The following NUDCD3 variants were observed in gnomAD, a reference collection of about 807,000 sequenced individuals.
NUDCD3 encodes the protein nudC domain-containing protein 3.
A neutral mutation model predicts 39.7 loss-of-function variants in NUDCD3; 13 were observed. The ratio of observed to expected loss-of-function variants is 0.33; its 90% CI spans 0.21 to 0.52. The LOEUF (loss-of-function observed/expected upper bound fraction) is 0.52, where lower values mean the gene tolerates loss of function less well. NUDCD3 is among the 20% of genes least tolerant of loss of function. The probability of loss-of-function intolerance (pLI) is 0.96; values close to 1 mark genes in which losing one functional copy is unlikely to be tolerated. For missense variants in NUDCD3, 453 were observed against 458.1 expected, an observed-to-expected ratio of 0.99 and a Z score of 0.10; for synonymous variants, 175 against 172.4, an observed-to-expected ratio of 1.02 and a Z score of -0.12.
At chr7:44,436,556 G>A (rs939405427) in intron 2 of NUDCD3, among the ~76,000 whole-genome samples, 38 of 152,194 alleles carry the variant, frequency 2.5e-4, no homozygotes, top group African/African-American at 8.7e-4. Context: ...AGTGGGTCAT[G>A]CTACAGAACT....
intron 4 of NUDCD3, among the ~76,000 whole-genome samples, chr7:44,396,487 A>C (rs1798626982): frequency 1.3e-5 from 2 of 152,208 alleles, no homozygotes; most frequent in Non-Finnish European, 2.9e-5. Context: ...TAACATCGTT[A>C]TTGACTTGCC....
At chr7:44,472,679 G>T (rs1357695320) in intron 2 of NUDCD3, among the ~76,000 whole-genome samples, 1 of 152,204 alleles carries the variant, frequency 6.6e-6, no homozygotes, top group Non-Finnish European at 1.5e-5. Context: ...AAATGGTTTA[G>T]TATTTGTAGA....
At position 44,390,664 on chromosome 7, in the gene NUDCD3, A is replaced by G. The variant is rs1798497056; in HGVS notation, c.975+1633T>C. ...TCTTTCTCCCGAAGGTCAACTCATG[A>G]ATACATCTCAGTCCTTTTGTGGACC... On this transcript the variant is annotated intron_variant, in intron 5 of 5. Coordinates refer to ENST00000355451, the MANE Select transcript of NUDCD3 (RefSeq NM_015332.4). 2.0e-5 allele frequency among the ~76,000 whole-genome samples: 3 copies of G among 152,308 alleles called. No homozygotes were observed. The South Asian group carries it at 6.2e-4, about 32-fold the overall frequency.
chr7:44,486,740 C>G (rs1025199640), intron 1 of NUDCD3, among the ~76,000 whole-genome samples: 3 of 152,168 alleles, frequency 2.0e-5, no homozygotes, highest in African/African-American at 7.2e-5. Flanking sequence ...CTCCTAACAC[C>G]TGAGACTTCG....
At chr7:44,409,334 C>T (rs1335371459) in intron 3 of NUDCD3, among the ~76,000 whole-genome samples, 1 of 152,150 alleles carries the variant, frequency 6.6e-6, no homozygotes, top group African/African-American at 2.4e-5. Context: ...TTACTGATCC[C>T]AGGAGTTTAA....
chr7:44,486,185 G>C (rs1415682006), intron 1 of NUDCD3, among the ~76,000 whole-genome samples: 2 of 152,348 alleles, frequency 1.3e-5, no homozygotes, highest in East Asian at 3.9e-4. Flanking sequence ...GCAATAACTG[G>C]AGGAAGGAAA....
chr7:44,468,349 C>CAAAAAAAAAAAAAAAAAAAAAAACAAA, intron 2 of NUDCD3: 2 of 375,656 alleles, frequency 5.3e-6, no homozygotes, highest in Non-Finnish European at 8.4e-6. Flanking sequence ...GTAAAAACTG[C>CAAAAAAAAAAAAAAAAAAAAAAACAAA]AAAAAAAAAA....
chr7:44,447,244 C>G (rs1486687238), intron 2 of NUDCD3, among the ~76,000 whole-genome samples: 1 of 152,224 alleles, frequency 6.6e-6, no homozygotes, highest in Non-Finnish European at 1.5e-5. Context: ...AACCAAAAGT[C>G]TCCAGAGGAA....
intron 2 of NUDCD3, among the ~76,000 whole-genome samples, chr7:44,457,670 C>CAT (rs1182485752): frequency 2.0e-5 from 3 of 152,112 alleles, no homozygotes; most frequent in African/African-American, 7.2e-5. Context: ...ATGTAGACTA[C>CAT]ATAAAGATGG....
Position 44,382,531 on chromosome 7 carries a change from G to C in NUDCD3, c.*3480C>G, listed in dbSNP as rs1798322673. On this transcript the variant is annotated 3_prime_UTR_variant, in exon 6 of 6. Transcript: ENST00000355451. ...CCTGGCGTCCAGTGGGCACTCCCCA[G>C]GGCAGCAGCCTGGTTTAAATGCCTG... is the stretch of plus-strand genomic sequence containing the variant. 6.6e-6 allele frequency: 1 copy of C among 152,320 alleles called. No homozygotes were observed. Among genetic ancestry groups the C allele is most frequent in the Non-Finnish European group, 1.5e-5 (1 of 68,132 alleles). 9.4% of individuals were successfully genotyped at this position (152,320 alleles called of 1,614,324 possible).
At chr7:44,445,997 T>C (rs958160272) in intron 2 of NUDCD3, among the ~76,000 whole-genome samples, 11 of 152,224 alleles carry the variant, frequency 7.2e-5, no homozygotes, top group African/African-American at 2.7e-4. Context: ...AACACTTCCA[T>C]TGCAGAAGTA....
chr7:44,417,218 A>G (rs1220336151), intron 3 of NUDCD3, among the ~76,000 whole-genome samples: 1 of 152,248 alleles, frequency 6.6e-6, no homozygotes, highest in East Asian at 1.9e-4. Flanking sequence ...TGGTGATAGT[A>G]GAGCCACATC....
At chr7:44,456,410 C>T (rs1050541153) in intron 2 of NUDCD3, among the ~76,000 whole-genome samples, 5 of 152,200 alleles carry the variant, frequency 3.3e-5, no homozygotes, top group Admixed American at 2.6e-4. Context: ...CAAGGTTAAA[C>T]TCGAGCAAAC....
intron 2 of NUDCD3, among the ~76,000 whole-genome samples, chr7:44,443,069 A>G (rs940772995): frequency 1.2e-4 from 18 of 152,118 alleles, no homozygotes; most frequent in African/African-American, 4.1e-4. Context: ...TTCACACAGA[A>G]AGCAGGCATT....
intron 2 of NUDCD3, among the ~76,000 whole-genome samples, chr7:44,458,668 A>AG (rs1750228038): frequency 6.6e-6 from 1 of 151,852 alleles, no homozygotes; most frequent in African/African-American, 2.4e-5. Context: ...CGGGGGAAAA[A>AG]AAAAGTTCTG....
intron 3 of NUDCD3, among the ~76,000 whole-genome samples, chr7:44,417,504 C>T (rs1176658651): frequency 6.6e-6 from 1 of 152,230 alleles, no homozygotes; most frequent in Admixed American, 6.5e-5. Flanking sequence ...AATACAAACC[C>T]TTTCAGAGAA....
intron 2 of NUDCD3, chr7:44,468,291 A>G (rs772646726): frequency 2.4e-5 from 38 of 1,584,228 alleles, no homozygotes; most frequent in Non-Finnish European, 8.6e-6. Context: ...CTGCGCAGCG[A>G]AGAAAATGAG....
intron 3 of NUDCD3, chr7:44,426,226 G>T: frequency 1.1e-6 from 1 of 906,424 alleles, no homozygotes; most frequent in Non-Finnish European, 1.3e-6. Context: ...TGTTGCTGAG[G>T]GGAACAAAGG....
intron 4 of NUDCD3, among the ~76,000 whole-genome samples, chr7:44,396,087 T>G (rs866534368): frequency 3.5e-5 from 5 of 144,908 alleles, no homozygotes; most frequent in South Asian, 2.2e-4. Context: ...TTATCTTCTG[T>G]TGTGTGTGTG....
Sources: allele counts gnomAD v4.1 joint callset (sites outside exome capture counted in the v4.1 genomes callset), GRCh38; gene constraint gnomAD v4.1.1; transcripts MANE v1.5; gene names NCBI Gene and HGNC (gene_info 2026-07-23, HGNC 2026-07-21).